The following MMP27 variants were observed in gnomAD, a reference collection of about 807,000 sequenced individuals.
MMP27 encodes matrix metallopeptidase 27.
Under a neutral mutation model 48.1 loss-of-function variants are expected in MMP27, and 51 were observed. That is an observed-to-expected ratio of 1.06 (90% CI 0.85 to 1.34). MMP27 has a LOEUF of 1.34. Ranked by LOEUF, MMP27 falls within the 40% of genes most tolerant of loss-of-function variation. MMP27 has a pLI of 0.00. For missense variants in MMP27, 698 were observed against 619.3 expected (o/e 1.13, Z -1.35); for synonymous variants, 229 against 208.9 (o/e 1.10, Z -0.83).
rs1278823805 is a variant in MMP27, at chr11:102,694,080, G to A, written c.1034-15C>T. 6.5e-7 allele frequency: 1 copy of A among 1,527,008 alleles called. No homozygotes were observed. The highest frequency in any genetic ancestry group is 2.2e-5 in the Admixed American group (1 of 45,134). 94.6% of individuals were successfully genotyped at this position (1,527,008 alleles called of 1,614,324 possible). ...GAAGTTTTCATCTAGGAAGAGAGGA[G>A]TGATTATTTATTTTCTAGAGGGAGA... On this transcript the variant is annotated splice_polypyrimidine_tract_variant and intron_variant, in intron 7 of 9. Coordinates refer to ENST00000260229, the MANE Select transcript of MMP27 (RefSeq NM_022122.3).
At chr11:102,703,237 C>T in intron 2 of MMP27, 119 bp from the exon 3 acceptor site, 1 of 878,430 alleles carries the variant, frequency 1.1e-6, no homozygotes, top group South Asian at 1.8e-5. Flanking sequence ...TGGTGTGGTG[C>T]AATTATCTTA....
intron 4 of MMP27, among the ~76,000 whole-genome samples, chr11:102,702,011 G>A (rs1860949494): frequency 6.6e-6 from 1 of 152,140 alleles, no homozygotes; most frequent in Non-Finnish European, 1.5e-5. Context: ...CAAAAGAATG[G>A]GGGACCCAAA....
chr11:102,697,493 A>T (rs2464362), intron 4 of MMP27, among the ~76,000 whole-genome samples: 62,278 of 151,994 alleles, frequency 0.41, 13,705 homozygotes, highest in East Asian at 0.61. Flanking sequence ...TTTTGCTTAC[A>T]GTAACTTTTT....
chr11:102,698,641 A>G (rs1187982562), intron 4 of MMP27, among the ~76,000 whole-genome samples: 1 of 152,038 alleles, frequency 6.6e-6, no homozygotes, highest in Non-Finnish European at 1.5e-5. Context: ...TCAGCCTTAT[A>G]TTTTATTTTC....
In MMP27 at chr11:102,705,364, G is replaced by A. The variant is rs148266536; in HGVS notation, c.102+249C>T. ...TTGCAGGGCTCTCTCCTTTCTCCTCGCACTAAACATCCCTTCATTTGTGAC... is the reference window on the plus strand; with the variant it reads ...TTGCAGGGCTCTCTCCTTTCTCCTCACACTAAACATCCCTTCATTTGTGAC... On this transcript the variant is annotated intron_variant, in intron 1 of 9. Coordinates refer to ENST00000260229, the MANE Select transcript of MMP27 (RefSeq NM_022122.3). Among the ~76,000 whole-genome samples, 1,316 of 151,942 alleles carry A rather than the reference G, an allele frequency of 8.7e-3. 25 individuals are homozygous for A. The highest frequency in any genetic ancestry group is 0.03 in the African/African-American group (1,253 of 41,406).
rs758887094 is a variant in MMP27, at chr11:102,696,698, TATC to T, written c.754_756del (p.Asp252del). ...CCATAGATGGACTGGATTCCATTGA[TATC>T]ATCCTGAGAAAGTGGGTATTTTCTG... On this transcript the variant is annotated inframe_deletion, in exon 5 of 10. Coordinates refer to ENST00000260229, the MANE Select transcript of MMP27 (RefSeq NM_022122.3). 7.4e-6 allele frequency: 12 copies of T among 1,613,626 alleles called. No homozygotes were observed. Among genetic ancestry groups the T allele is most frequent in the East Asian group, 4.5e-5 (2 of 44,850 alleles).
chr11:102,702,969 C>T lies in MMP27; in HGVS notation c.490+1G>A, dbSNP rs143933929. On this transcript the variant is annotated splice_donor_variant, in intron 3 of 9. Transcript: ENST00000260229. LOFTEE classifies it high-confidence loss of function. ...GCTTTGCTCTCTGTTGAAAACCTTA[C>T]CTCGAGTCCTAAAGGCAATCATGAT... The T allele has an allele frequency of 1.9e-4, 302 of 1,613,282 alleles. 1 individual carries two copies. In the African/African-American group the frequency reaches 3.0e-3, roughly 16 times the overall value.
chr11:102,701,744 C>A (rs2134273985), intron 4 of MMP27, among the ~76,000 whole-genome samples: 1 of 152,324 alleles, frequency 6.6e-6, no homozygotes, highest in Non-Finnish European at 1.5e-5. Context: ...CTGACTTTCG[C>A]CCTTTTCACT....
At chr11:102,700,552 T>C (rs565819303) in intron 4 of MMP27, among the ~76,000 whole-genome samples, 1 of 152,336 alleles carries the variant, frequency 6.6e-6, no homozygotes, top group African/African-American at 2.4e-5. Context: ...AGAGCATCAT[T>C]ACTCTTTTAC....
chr11:102,702,460 T>C (rs1860958304), intron 4 of MMP27, among the ~76,000 whole-genome samples: 1 of 152,240 alleles, frequency 6.6e-6, no homozygotes, highest in Non-Finnish European at 1.5e-5. Flanking sequence ...TACACTTTTC[T>C]AGTACAACTT....
intron 5 of MMP27, 63 bp from the exon 6 acceptor site, chr11:102,696,554 G>T (rs1448645117): frequency 6.3e-7 from 1 of 1,587,678 alleles, no homozygotes; most frequent in Non-Finnish European, 8.6e-7. Flanking sequence ...GCCTACACAA[G>T]GGTCTTACCT....
chr11:102,703,989 G>A (rs529158682), intron 2 of MMP27, among the ~76,000 whole-genome samples: 13 of 152,326 alleles, frequency 8.5e-5, no homozygotes, highest in African/African-American at 2.6e-4. Flanking sequence ...CAAGGTGACT[G>A]TCTCTGTCTC....
Position 102,696,367 on chromosome 11 carries a change from T to G in MMP27, c.902+4A>C. The G allele has an allele frequency of 6.2e-7, 1 of 1,613,416 alleles. No individual in the cohort carries two copies. The highest frequency in any genetic ancestry group is 8.5e-7 in the Non-Finnish European group (1 of 1,179,574). ...AGTTGAGGTGTTTAGAGAAATGAGTTTACCTGCCTTTAAAGAACATTACTT... is the reference window on the plus strand; with the variant it reads ...AGTTGAGGTGTTTAGAGAAATGAGTGTACCTGCCTTTAAAGAACATTACTT... On this transcript the variant is annotated splice_donor_region_variant and intron_variant, in intron 6 of 9. Transcript: ENST00000260229.
intron 4 of MMP27, among the ~76,000 whole-genome samples, chr11:102,699,822 TTTAGCCTTG>T (rs1354787032): frequency 6.6e-6 from 1 of 152,228 alleles, no homozygotes; most frequent in Non-Finnish European, 1.5e-5. Flanking sequence ...TATTCGCCAT[TTTAGCCTTG>T]TCTTCTACAA....
chr11:102,695,012 G>A lies in MMP27; in HGVS notation c.988C>T (p.Gln330Ter). The change falls in exon 7 of 10, where the codon CAA (glutamine) becomes TAA (stop). Residue 330 changes from glutamine to a stop codon, truncating the protein, a stop_gained. Coordinates refer to ENST00000260229, the MANE Select transcript of MMP27 (RefSeq NM_022122.3). LOFTEE classifies it high-confidence loss of function. ...TCTCTGGGGTTCTCGTATGCAGCTT[G>A]CAGATCAGCTGGCAGAGATGGCCAG... ...SFWPSLPADL[Q>*]AAYENPRDKI... 1 of 1,613,946 alleles carries A rather than the reference G, an allele frequency of 6.2e-7. No homozygotes were observed. Among genetic ancestry groups the A allele is most frequent in the South Asian group, 1.1e-5 (1 of 91,082 alleles).
Position 102,702,846 on chromosome 11 carries a change from AG to A in MMP27, c.525del (p.Leu176TrpfsTer58). ...GGAAAGGCATGGCCAAGCACTCCCAAGGGACCATCAAAATAGCGAGGACACC... is the reference window on the plus strand; with the variant it reads ...GGAAAGGCATGGCCAAGCACTCCCAAGGACCATCAAAATAGCGAGGACACC... ...HGRCPRYFDG[P>X]LGVLGHAFPP... On this transcript the variant is annotated frameshift_variant, in exon 4 of 10. Coordinates refer to ENST00000260229, the MANE Select transcript of MMP27 (RefSeq NM_022122.3). LOFTEE classifies it high-confidence loss of function. The A allele has an allele frequency of 1.2e-6, 2 of 1,614,050 alleles. No individual in the cohort carries two copies. The highest frequency in any genetic ancestry group is 1.7e-6 in the Non-Finnish European group (2 of 1,179,978).
intron 7 of MMP27, 130 bp downstream of exon 7, chr11:102,694,837 G>A (rs975502107): frequency 3.3e-5 from 32 of 965,532 alleles, no homozygotes; most frequent in Non-Finnish European, 4.2e-5. Context: ...CTTTACGACA[G>A]GAACCTAAGA....
intron 7 of MMP27, 140 bp downstream of exon 7, chr11:102,694,827 C>G (rs1860793374): frequency 1.1e-6 from 1 of 882,276 alleles, no homozygotes; most frequent in Non-Finnish European, 1.7e-6. Context: ...TATTTATATT[C>G]TTTACGACAG....
intron 2 of MMP27, 34 bp from the exon 3 acceptor site, chr11:102,703,152 C>G: frequency 6.3e-7 from 1 of 1,594,198 alleles, no homozygotes; most frequent in Non-Finnish European, 8.6e-7. Flanking sequence ...CAATTTCTGG[C>G]TTATTCATGC....
Sources: gnomAD v4.1 joint callset for allele counts (sites outside exome capture counted in the v4.1 genomes callset) on GRCh38, gnomAD v4.1.1 for gene constraint, MANE v1.5 for transcripts, NCBI Gene and HGNC (gene_info 2026-07-23, HGNC 2026-07-21) for gene names.